STK17A: variants seen among roughly 807,000 people sequenced by gnomAD.
The protein encoded by STK17A is serine/threonine kinase 17a.
Under a neutral mutation model 43.7 loss-of-function variants are expected in STK17A, and 26 were observed. The observed-to-expected ratio is 0.60, with a 90% CI of 0.44 to 0.83. The LOEUF is 0.83. STK17A is among the 40% of genes least tolerant of loss of function. The pLI is 0.00. For synonymous variants in STK17A, 191 were observed against 182.5 expected (o/e 1.05, Z -0.38); for missense variants, 476 against 511.6 (o/e 0.93, Z 0.67).
At chr7:43,616,509 G>T (rs145749567) in intron 3 of STK17A, among the ~76,000 whole-genome samples, 3 of 152,090 alleles carry the variant, frequency 2.0e-5, no homozygotes, top group Non-Finnish European at 4.4e-5. Context: ...GATTCTTCCC[G>T]TTCTCTGAAT....
Position 43,624,521 on chromosome 7 carries a change from T to C in STK17A, c.924T>C (p.Asp308=). The C allele has an allele frequency of 1.2e-6, 2 of 1,610,128 alleles. No individual in the cohort carries two copies. The highest frequency in any genetic ancestry group is 1.7e-6 in the Non-Finnish European group (2 of 1,178,026). ...TGTAAAACATGTATCTTTACAGAGA[T>C]CGAGCCACTGCTGAAGAATGTCTAA... ...IRTLLVKKPE[D]RATAEECLKH... The change falls in exon 7 of 7, where the codon GAT becomes GAC. Residue 308 remains aspartate, a synonymous_variant. Transcript: ENST00000319357.
At chr7:43,587,154 G>GTTT (rs71011929) in intron 1 of STK17A, among the ~76,000 whole-genome samples, 43 of 112,090 alleles carry the variant, frequency 3.8e-4, no homozygotes, top group South Asian at 5.8e-4. Context: ...ATTGTTTTTT[G>GTTT]TTTTTTTTTT....
At chr7:43,594,536 A>G (rs1405035232) in intron 1 of STK17A, among the ~76,000 whole-genome samples, 1 of 152,170 alleles carries the variant, frequency 6.6e-6, no homozygotes, top group Admixed American at 6.5e-5. Flanking sequence ...AGACATTGGC[A>G]TTTGGTGTTA....
At chr7:43,588,913 G>GGAA (rs2082461686) in intron 1 of STK17A, among the ~76,000 whole-genome samples, 2 of 151,418 alleles carry the variant, frequency 1.3e-5, no homozygotes, top group Non-Finnish European at 3.0e-5. Context: ...CACTACCTTA[G>GGAA]GCTCTGGAAG....
At chr7:43,583,881 A>G (rs1288819223) in intron 1 of STK17A, among the ~76,000 whole-genome samples, 1 of 152,136 alleles carries the variant, frequency 6.6e-6, no homozygotes, top group Non-Finnish European at 1.5e-5. Flanking sequence ...TGGTTTTAAT[A>G]AAATACAGCA....
Position 43,583,300 on chromosome 7 carries a change from C to G in STK17A, c.57C>G (p.Gly19=), listed in dbSNP as rs1207299087. The G allele has an allele frequency of 6.5e-7, 1 of 1,533,564 alleles. No individual in the cohort carries two copies. Among genetic ancestry groups the G allele is most frequent in the South Asian group, 1.2e-5 (1 of 82,760 alleles). The allele number at this position is 1,533,564 out of a possible 1,614,324, so 95.0% of individuals were successfully genotyped here. Reference sequence around the variant, plus strand: ...GCTCCTCCCCAGGCGCCACCTCAGGCTCGGGCCGGGCAGGCCGGGGTCTGA... The same window carrying G: ...GCTCCTCCCCAGGCGCCACCTCAGGGTCGGGCCGGGCAGGCCGGGGTCTGA... ...SGGSSPGATS[G]SGRAGRGLSG... Residue 19 remains glycine, a synonymous_variant, in exon 1 of 7, where the codon GGC becomes GGG. Transcript: ENST00000319357.
chr7:43,599,767 T>C lies in STK17A; in HGVS notation c.419+3654T>C, dbSNP rs576379668. Among the ~76,000 whole-genome samples the C allele has an allele frequency of 2.0e-5, 3 of 152,292 alleles. No individual in the cohort carries two copies. The South Asian group carries it at 6.2e-4, about 32-fold the overall frequency. ...CACCCTGGGATGCTGGTAACATGGC[T>C]CAGTCCAAGTGCAAAGGCCTCAGAA... On this transcript the variant is annotated intron_variant, in intron 2 of 6. Transcript: ENST00000319357.
intron 2 of STK17A, among the ~76,000 whole-genome samples, chr7:43,603,985 A>G (rs541440178): frequency 1.3e-5 from 2 of 152,294 alleles, no homozygotes; most frequent in Non-Finnish European, 2.9e-5. Flanking sequence ...TCTGGTCCCA[A>G]ACATTTAAGA....
intron 1 of STK17A, among the ~76,000 whole-genome samples, chr7:43,587,836 C>T (rs1231952437): frequency 6.6e-6 from 1 of 151,554 alleles, no homozygotes; most frequent in African/African-American, 2.4e-5. Context: ...TGTGGTTCAA[C>T]AATAAAGTTA....
At chr7:43,599,490 G>A (rs967332878) in intron 2 of STK17A, among the ~76,000 whole-genome samples, 12 of 152,266 alleles carry the variant, frequency 7.9e-5, no homozygotes, top group African/African-American at 2.9e-4. Context: ...CCATTAGGTA[G>A]CCTTGTATGC....
intron 1 of STK17A, among the ~76,000 whole-genome samples, chr7:43,594,264 G>GAAAA (rs10624924): frequency 6.8e-6 from 1 of 146,838 alleles, no homozygotes; most frequent in Non-Finnish European, 1.5e-5. Flanking sequence ...TCTCTTAAAG[G>GAAAA]AAAAAAAAAA....
Position 43,619,599 on chromosome 7 carries a change from T to C in STK17A, c.567T>C (p.Pro189=), listed in dbSNP as rs2153005756. ...TGCGGGGGTGTATTTTCTTTTAGCC[T>C]CAGAATATTCTGTTGACAAGTGAAT... ...TRDVVHLDLK[P]QNILLTSESP... Residue 189 remains proline (P), a splice_region_variant and synonymous_variant, in exon 4 of 7, where the codon CCT becomes CCC. Transcript: ENST00000319357. 1 of 1,612,828 alleles carries C rather than the reference T, an allele frequency of 6.2e-7. No individual in the cohort carries two copies. Among genetic ancestry groups the C allele is most frequent in the Admixed American group, 1.7e-5 (1 of 59,726 alleles).
Position 43,583,321 on chromosome 7 carries a change from T to C in STK17A, c.78T>C (p.Gly26=). ...CAGGCTCGGGCCGGGCAGGCCGGGGTCTGAGCGGGCCGTGCCGGCCGCCGC... is the reference window on the plus strand; with the variant it reads ...CAGGCTCGGGCCGGGCAGGCCGGGGCCTGAGCGGGCCGTGCCGGCCGCCGC... ...ATSGSGRAGR[G]LSGPCRPPPP... Residue 26 remains glycine, a synonymous_variant, in exon 1 of 7, where the codon GGT becomes GGC. Transcript: ENST00000319357. 1 of 1,487,734 alleles carries C rather than the reference T, an allele frequency of 6.7e-7. No homozygotes were observed. The highest frequency in any genetic ancestry group is 8.9e-7 in the Non-Finnish European group (1 of 1,119,282). The allele number at this position is 1,487,734 out of a possible 1,614,324, so 92.2% of individuals were successfully genotyped here.
In STK17A at chr7:43,624,749, T is replaced by C; in HGVS notation, c.1152T>C (p.Ser384=). 1 of 1,613,766 alleles carries C rather than the reference T, an allele frequency of 6.2e-7. No individual in the cohort carries two copies. The highest frequency in any genetic ancestry group is 8.5e-7 in the Non-Finnish European group (1 of 1,179,800). Residue 384 remains serine (S), a synonymous_variant, in exon 7 of 7, where the codon TCT becomes TCC. Transcript: ENST00000319357. ...TSYTLGQCRQ[S]EKEKMEQKAI... ...ATACTCTAGGACAATGCAGACAGTC[T>C]GAAAAAGAGAAAATGGAGCAAAAGG...
intron 3 of STK17A, among the ~76,000 whole-genome samples, chr7:43,616,286 A>G (rs56280746): frequency 0.18 from 27,648 of 152,020 alleles, 2,885 homozygotes; most frequent in Admixed American, 0.31. Flanking sequence ...AGGTTCATCT[A>G]TTTTCTCTTG....
At position 43,593,534 on chromosome 7, in the gene STK17A, C is replaced by T. The variant is rs563794706; in HGVS notation, c.207-2367C>T. 3.0e-4 allele frequency among the ~76,000 whole-genome samples: 46 copies of T among 152,188 alleles called. No individual in the cohort carries two copies. The East Asian group carries it at 6.7e-3, about 22-fold the overall frequency. On this transcript the variant is annotated intron_variant, in intron 1 of 6. Transcript: ENST00000319357. ...AAGCGTTCCCTTTTCTTTGTATGTT[C>T]GCCAACATTTGTTGTTTTTTAACTT... is the stretch of plus-strand genomic sequence containing the variant.
chr7:43,621,235 A>G (rs2083855054), intron 4 of STK17A, among the ~76,000 whole-genome samples: 1 of 152,228 alleles, frequency 6.6e-6, no homozygotes, highest in South Asian at 2.1e-4. Flanking sequence ...TATATATTTT[A>G]ATGGGCCAGA....
intron 2 of STK17A, among the ~76,000 whole-genome samples, chr7:43,599,471 G>A (rs1040045516): frequency 6.6e-6 from 1 of 152,178 alleles, no homozygotes; most frequent in African/African-American, 2.4e-5. Flanking sequence ...ATAATAATTA[G>A]CTTTTAAACC....
chr7:43,594,875 T>TA (rs199560986), intron 1 of STK17A, among the ~76,000 whole-genome samples: 2,011 of 107,400 alleles, frequency 0.019, 31 homozygotes, highest in East Asian at 0.045. Flanking sequence ...CCCAGTCTCT[T>TA]AAAAAAAAAA....
Sources: allele counts gnomAD v4.1 joint callset (sites outside exome capture counted in the v4.1 genomes callset), GRCh38; gene constraint gnomAD v4.1.1; transcripts MANE v1.5; gene names NCBI Gene and HGNC (gene_info 2026-07-23, HGNC 2026-07-21).